Variants in RELN observed in about 807,000 individuals in gnomAD.
RELN encodes the protein reelin.
A neutral mutation model predicts 427.6 loss-of-function variants in RELN; 108 were observed. The observed-to-expected ratio is 0.25, with a 90% CI of 0.22 to 0.30. The LOEUF is 0.30. Among genes scored for constraint, RELN ranks in the 10% least tolerant of loss-of-function variants. The probability of loss-of-function intolerance (pLI) is 1.00; values close to 1 mark genes in which losing one functional copy is unlikely to be tolerated. For missense variants in RELN, 3,715 were observed against 4,302.8 expected (o/e 0.86, Z 3.82); for synonymous variants, 1,524 against 1,513.4 (o/e 1.01, Z -0.16).
chr7:103,840,718 G>A (rs1793532503), intron 2 of RELN, among the ~76,000 whole-genome samples: 1 of 152,118 alleles, frequency 6.6e-6, no homozygotes, highest in Admixed American at 6.6e-5. Context: ...CCATGAAAGA[G>A]ATATACCACC....
At chr7:103,486,105 A>G (rs1828430589) in intron 61 of RELN, 92 bp downstream of exon 61, 7 of 1,203,252 alleles carry the variant, frequency 5.8e-6, no homozygotes, top group Non-Finnish European at 8.7e-6. Context: ...CATCTGTGCC[A>G]TGAAGTTCAC....
intron 46 of RELN, among the ~76,000 whole-genome samples, chr7:103,532,567 C>T (rs933073138): frequency 1.3e-5 from 2 of 152,154 alleles, no homozygotes; most frequent in Middle Eastern, 3.2e-3. Context: ...ACCTCCAAAT[C>T]TTTAATACAA....
At chr7:103,723,535 T>A (rs1387112775) in intron 7 of RELN, among the ~76,000 whole-genome samples, 1 of 152,100 alleles carries the variant, frequency 6.6e-6, no homozygotes, top group Non-Finnish European at 1.5e-5. Flanking sequence ...CTCCCTTCCA[T>A]CCTACCAGAT....
At chr7:103,839,651 G>A (rs1793504100) in intron 2 of RELN, among the ~76,000 whole-genome samples, 1 of 152,172 alleles carries the variant, frequency 6.6e-6, no homozygotes, top group East Asian at 1.9e-4. Flanking sequence ...TACAATATAA[G>A]AGTGAAAAGT....
At chr7:103,550,066 C>T (rs1283832450) in intron 41 of RELN, among the ~76,000 whole-genome samples, 2 of 152,180 alleles carry the variant, frequency 1.3e-5, no homozygotes. Context: ...CTATGAGAAT[C>T]ATATCCTGGC....
intron 51 of RELN, among the ~76,000 whole-genome samples, chr7:103,506,608 T>C (rs914810440): frequency 3.3e-5 from 5 of 151,136 alleles, no homozygotes; most frequent in African/African-American, 9.8e-5. Context: ...TGCAAAAACA[T>C]ACCAAATTGT....
intron 10 of RELN, among the ~76,000 whole-genome samples, chr7:103,683,677 T>A (rs1245219368): frequency 6.6e-6 from 1 of 152,156 alleles, no homozygotes; most frequent in African/African-American, 2.4e-5. Context: ...TTATGTATGG[T>A]ACATAATATT....
chr7:103,913,172 T>C (rs2116659595), intron 2 of RELN, among the ~76,000 whole-genome samples: 1 of 152,236 alleles, frequency 6.6e-6, no homozygotes, highest in East Asian at 1.9e-4. Context: ...TTAGTGGAAC[T>C]ACATTTCTAC....
At chr7:103,894,484 G>T (rs1481452256) in intron 2 of RELN, among the ~76,000 whole-genome samples, 1 of 152,036 alleles carries the variant, frequency 6.6e-6, no homozygotes, top group Admixed American at 6.6e-5. Context: ...GTTGAAAGCA[G>T]ATTTAAAAGC....
chr7:103,593,142 G>T (rs362632), intron 27 of RELN, among the ~76,000 whole-genome samples: 35,970 of 151,942 alleles, frequency 0.24, 5,120 homozygotes, highest in South Asian at 0.38. Context: ...TTTTGATTAG[G>T]GTTCTGAAAC....
At chr7:103,714,026 T>C (rs966663872) in intron 8 of RELN, among the ~76,000 whole-genome samples, 1 of 152,178 alleles carries the variant, frequency 6.6e-6, no homozygotes, top group Non-Finnish European at 1.5e-5. Context: ...GAATACTAAC[T>C]CATGAACAGT....
At chr7:103,852,059 C>G (rs1220769412) in intron 2 of RELN, among the ~76,000 whole-genome samples, 2 of 152,096 alleles carry the variant, frequency 1.3e-5, no homozygotes, top group African/African-American at 4.8e-5. Context: ...TAATTTGTTA[C>G]CACAGCAAGA....
chr7:103,813,482 A>C (rs1792793667), intron 3 of RELN, among the ~76,000 whole-genome samples: 1 of 152,116 alleles, frequency 6.6e-6, no homozygotes. Context: ...TCACATCAGA[A>C]CTTTAATGAG....
intron 11 of RELN, among the ~76,000 whole-genome samples, chr7:103,669,664 T>C (rs571824911): frequency 7.0e-4 from 107 of 152,182 alleles, no homozygotes; most frequent in African/African-American, 2.4e-3. Flanking sequence ...TGAGGAGCTC[T>C]ATAGTTCTGT....
chr7:103,496,624 A>T lies in RELN; in HGVS notation c.9095T>A (p.Val3032Glu). ...CTGAGCACGCTCCACCCCAGAGACC[A>T]CAATTCCATTGCTGATCACAAAAGG... ...WQPFVISNGI[V>E]VSGVERAQWA... Residue 3032 changes from valine (V) to glutamate (E), a missense_variant, in exon 56 of 65, where the codon GTG becomes GAG. Around this residue, in one of 4 missense-constraint regions of RELN, gnomAD observed 1,310 missense variants for 1,643.0 expected, o/e 0.80. Transcript: ENST00000428762. The T allele has an allele frequency of 6.2e-7, 1 of 1,614,192 alleles. No homozygotes were observed. The highest frequency in any genetic ancestry group is 8.5e-7 in the Non-Finnish European group (1 of 1,180,014).
At chr7:103,556,889 T>C in intron 38 of RELN, 88 bp downstream of exon 38, 1 of 1,107,912 alleles carries the variant, frequency 9.0e-7, no homozygotes, top group South Asian at 1.2e-5. Context: ...AGCTGCTCAG[T>C]TGACAAACAC....
intron 2 of RELN, among the ~76,000 whole-genome samples, chr7:103,880,105 G>A (rs1273137197): frequency 6.6e-6 from 1 of 151,964 alleles, no homozygotes; most frequent in Non-Finnish European, 1.5e-5. Context: ...AGCCAAGGCT[G>A]AGCCCACTTG....
At chr7:103,730,312 A>G (rs756232282) in intron 6 of RELN, among the ~76,000 whole-genome samples, 1 of 152,010 alleles carries the variant, frequency 6.6e-6, no homozygotes, top group Non-Finnish European at 1.5e-5. Flanking sequence ...TATATATAAT[A>G]TATGTATTAC....
intron 27 of RELN, among the ~76,000 whole-genome samples, chr7:103,592,827 T>C (rs1383498034): frequency 6.6e-6 from 1 of 152,200 alleles, no homozygotes; most frequent in Admixed American, 6.5e-5. Flanking sequence ...AACAAATGAA[T>C]ATAGATTCAT....
Sources: gnomAD v4.1 joint callset for allele counts (sites outside exome capture counted in the v4.1 genomes callset) on GRCh38, gnomAD v4.1.1 for gene constraint, gnomAD v4.1.1 regional missense constraint, MANE v1.5 for transcripts, NCBI Gene and HGNC (gene_info 2026-07-23, HGNC 2026-07-21) for gene names.